The following ZNF234 variants were observed in gnomAD, a reference collection of about 807,000 sequenced individuals.
ZNF234 encodes the protein zinc finger protein 234.
In ZNF234, 4 loss-of-function variants were observed where a neutral mutation model predicts 10.3. The ratio of observed to expected loss-of-function variants is 0.39; its 90% CI spans 0.19 to 0.89. The LOEUF is 0.89. Ranked by LOEUF, ZNF234 falls within the 40% of genes least tolerant of loss-of-function variation. The pLI is 0.38. For missense variants in ZNF234, 711 were observed against 836.1 expected, an observed-to-expected ratio of 0.85 and a Z score of 1.85; for synonymous variants, 258 against 280.1, an observed-to-expected ratio of 0.92 and a Z score of 0.79.
At position 44,143,093 on chromosome 19, in the gene ZNF234, T is replaced by A. The variant is rs1288103743; in HGVS notation, c.-77+726T>A. On this transcript the variant is annotated intron_variant, in intron 2 of 5. Coordinates refer to ENST00000426739, the MANE Select transcript of ZNF234 (RefSeq NM_006630.3). ...TATTTCTCCTATGACTATTTCCTGA[T>A]TTTTTAAAAAAACTTTAACACAGTA... 5.9e-5 allele frequency among the ~76,000 whole-genome samples: 9 copies of A among 152,342 alleles called. No individual in the cohort carries two copies. In the East Asian group the frequency reaches 1.7e-3, roughly 29 times the overall value.
In ZNF234 at chr19:44,157,323, C is replaced by G. The variant is rs778814776; in HGVS notation, c.1307C>G (p.Ala436Gly). Reference sequence around the variant, plus strand: ...TATAAATGTGAAGTATGTGGTAAAGCCTTCCGTCAGAGTTCATATCTTAAA... The same window carrying G: ...TATAAATGTGAAGTATGTGGTAAAGGCTTCCGTCAGAGTTCATATCTTAAA... ...KPYKCEVCGKAFRQSSYLKIH... is the reference protein window; with the variant it reads ...KPYKCEVCGKGFRQSSYLKIH... Residue 436 changes from alanine (A) to glycine (G), a missense_variant, in exon 6 of 6, where the codon GCC (alanine) becomes GGC (glycine). Coordinates refer to ENST00000426739, the MANE Select transcript of ZNF234 (RefSeq NM_006630.3). The G allele has an allele frequency of 6.2e-7, 1 of 1,613,670 alleles. No homozygotes were observed. Among genetic ancestry groups the G allele is most frequent in the East Asian group, 2.2e-5 (1 of 44,838 alleles).
Position 44,150,409 on chromosome 19 carries a change from C to G in ZNF234, c.143-4C>G, listed in dbSNP as rs1346198487. 8 of 1,573,322 alleles carry G rather than the reference C, an allele frequency of 5.1e-6. No homozygotes were observed. In the African/African-American group the frequency reaches 1.1e-4, roughly 21 times the overall value. On this transcript the variant is annotated splice_polypyrimidine_tract_variant and splice_region_variant and intron_variant, in intron 4 of 5. Coordinates refer to ENST00000426739, the MANE Select transcript of ZNF234 (RefSeq NM_006630.3). ...TTTTAAATATGTGACTTTGCGTGTT[C>G]TAGGGCATCACCCCTTCAAACATGA...
At chr19:44,154,719 A>G (rs1968838509) in intron 5 of ZNF234, among the ~76,000 whole-genome samples, 1 of 144,996 alleles carries the variant, frequency 6.9e-6, no homozygotes, top group Non-Finnish European at 1.5e-5. Context: ...TGCAGCTTCT[A>G]ACTCCTGAGT....
Position 44,156,754 on chromosome 19 carries a change from A to G in ZNF234, c.738A>G (p.Thr246=), listed in dbSNP as rs751299767. 6.2e-7 allele frequency: 1 copy of G among 1,613,586 alleles called. No individual in the cohort carries two copies. Among genetic ancestry groups the G allele is most frequent in the South Asian group, 1.1e-5 (1 of 91,032 alleles). Residue 246 remains threonine (T), a synonymous_variant, in exon 6 of 6, where the codon ACA becomes ACG. Coordinates refer to ENST00000426739, the MANE Select transcript of ZNF234 (RefSeq NM_006630.3). ...GGAAAGGCTTCAGTCGTAGATCAACACTTACTGTACATTGCAAATTACACT... is the reference window on the plus strand; with the variant it reads ...GGAAAGGCTTCAGTCGTAGATCAACGCTTACTGTACATTGCAAATTACACT... ...ECGKGFSRRS[T]LTVHCKLHSG...
chr19:44,156,267 G>A lies in ZNF234; in HGVS notation c.251G>A (p.Ser84Asn), dbSNP rs1184394347. 1.3e-6 allele frequency: 2 copies of A among 1,552,990 alleles called. No individual in the cohort carries two copies. Among genetic ancestry groups the A allele is most frequent in the Admixed American group, 2.1e-5 (1 of 48,146 alleles). ...GTCCTTACAGCAGACAAGATCCAAAGTGAGGTGGAGACTGTTCCAGAAGCA... is the reference window on the plus strand; with the variant it reads ...GTCCTTACAGCAGACAAGATCCAAAATGAGGTGGAGACTGTTCCAGAAGCA... ...RKGKSADKIQ[S>N]EVETVPEAGR... Residue 84 changes from serine to asparagine, a missense_variant, in exon 6 of 6, where the codon AGT becomes AAT. Physicochemically the swap from Ser to Asn is conservative, Grantham distance 46. Transcript: ENST00000426739.
chr19:44,150,393 T>TGTG lies in ZNF234; in HGVS notation c.143-19_143-17dup. On this transcript the variant is annotated intron_variant, in intron 4 of 5. Coordinates refer to ENST00000426739, the MANE Select transcript of ZNF234 (RefSeq NM_006630.3). Reference sequence around the variant, plus strand: ...ACCTTTAGTGTGTTTGTTTTAAATATGTGACTTTGCGTGTTCTAGGGCATC... The same window carrying TGTG: ...ACCTTTAGTGTGTTTGTTTTAAATATGTGGTGACTTTGCGTGTTCTAGGGCATC... 1.3e-6 allele frequency: 2 copies of TGTG among 1,557,130 alleles called. No individual in the cohort carries two copies. The highest frequency in any genetic ancestry group is 1.7e-6 in the Non-Finnish European group (2 of 1,149,190).
chr19:44,152,973 A>G (rs1158090496), intron 5 of ZNF234, among the ~76,000 whole-genome samples: 2 of 152,092 alleles, frequency 1.3e-5, no homozygotes, highest in African/African-American at 2.4e-5. Flanking sequence ...ATATTAAAGA[A>G]TATAGATGTC....
chr19:44,152,739 G>A (rs939399105), intron 5 of ZNF234, among the ~76,000 whole-genome samples: 3 of 152,124 alleles, frequency 2.0e-5, no homozygotes, highest in African/African-American at 7.2e-5. Context: ...ATAGTAACTA[G>A]GTTGCAAACT....
chr19:44,150,670 A>G (rs1408365611), intron 5 of ZNF234, among the ~76,000 whole-genome samples, 165 bp downstream of exon 5: 1 of 152,102 alleles, frequency 6.6e-6, no homozygotes, highest in African/African-American at 2.4e-5. Flanking sequence ...AGTATAAAGT[A>G]TGTTCTCCTA....
intron 2 of ZNF234, 25 bp downstream of exon 2, chr19:44,142,392 TTTACA>T (rs1416805735): frequency 6.6e-6 from 1 of 152,412 alleles, no homozygotes; most frequent in African/African-American, 2.4e-5. Context: ...TCATTTTTCT[TTTACA>T]GAGACTGTAT....
chr19:44,153,157 G>T, intron 5 of ZNF234, among the ~76,000 whole-genome samples: 1 of 67,482 alleles, frequency 1.5e-5, no homozygotes, highest in African/African-American at 8.7e-5. Context: ...ATCTAATCAT[G>T]TATTCATCAT....
Position 44,156,525 on chromosome 19 carries a change from A to T in ZNF234, c.509A>T (p.His170Leu). 1 of 1,614,240 alleles carries T rather than the reference A, an allele frequency of 6.2e-7. No individual in the cohort carries two copies. Among genetic ancestry groups the T allele is most frequent in the East Asian group, 2.2e-5 (1 of 44,890 alleles). Residue 170 changes from histidine (H) to leucine (L), a missense_variant, in exon 6 of 6, where the codon CAC (histidine) becomes CTC (leucine). Coordinates refer to ENST00000426739, the MANE Select transcript of ZNF234 (RefSeq NM_006630.3). Reference sequence around the variant, plus strand: ...AACTTTGATCTTCATCAACAGTTACACTCAGGAGAGAAGTCTCATACATGT... The same window carrying T: ...AACTTTGATCTTCATCAACAGTTACTCTCAGGAGAGAAGTCTCATACATGT... The part of the protein sequence containing the change: ...VFNFDLHQQL[H>L]SGEKSHTCDE...
At chr19:44,152,420 C>G (rs1488073653) in intron 5 of ZNF234, among the ~76,000 whole-genome samples, 1 of 152,144 alleles carries the variant, frequency 6.6e-6, no homozygotes, top group Non-Finnish European at 1.5e-5. Flanking sequence ...CATACACAAA[C>G]CAAAATGAAT....
chr19:44,148,296 GA>G (rs1221495630), intron 3 of ZNF234, among the ~76,000 whole-genome samples: 2 of 152,196 alleles, frequency 1.3e-5, no homozygotes, highest in Non-Finnish European at 2.9e-5. Context: ...TGGGTGTACA[GA>G]AGGAAAACTA....
intron 2 of ZNF234, 53 bp from the exon 3 acceptor site, chr19:44,144,504 T>A (rs1186722534): frequency 1.5e-6 from 1 of 687,870 alleles, no homozygotes; most frequent in African/African-American, 1.8e-5. Flanking sequence ...ACATCTGTGT[T>A]GGTGGGGACA....
At position 44,157,806 on chromosome 19, in the gene ZNF234, C is replaced by T. The variant is rs182965358; in HGVS notation, c.1790C>T (p.Thr597Ile). 1.0e-3 allele frequency: 1,690 copies of T among 1,611,892 alleles called. 2 individuals are homozygous for T. Among genetic ancestry groups the T allele is most frequent in the Admixed American group, 2.2e-3 (132 of 59,820 alleles). Residue 597 changes from threonine to isoleucine, a missense_variant, in exon 6 of 6, where the codon ACA becomes ATA. Transcript: ENST00000426739. ...GTGCACACAGGAGAAAAACCCTATA[C>T]ATGTGGGGAGTGTGGGAAGCACTTC... is the stretch of plus-strand genomic sequence containing the variant. ...QRVHTGEKPYTCGECGKHFSQ... is the reference protein window; with the variant it reads ...QRVHTGEKPYICGECGKHFSQ...
chr19:44,146,882 C>T (rs957060847), intron 3 of ZNF234, among the ~76,000 whole-genome samples: 2 of 137,810 alleles, frequency 1.5e-5, no homozygotes, highest in African/African-American at 5.3e-5. Context: ...GTGGTACGAT[C>T]ACGGCTCACT....
intron 3 of ZNF234, among the ~76,000 whole-genome samples, chr19:44,145,272 A>G (rs913980965): frequency 6.6e-6 from 1 of 152,216 alleles, no homozygotes; most frequent in Admixed American, 6.5e-5. Context: ...TAAGTACTAA[A>G]TAATGTTCAT....
At position 44,148,353 on chromosome 19, in the gene ZNF234, A is replaced by C. The variant is rs752467312; in HGVS notation, c.16-418A>C. Among the ~76,000 whole-genome samples, 93 of 152,334 alleles carry C rather than the reference A, an allele frequency of 6.1e-4. 1 individual carries two copies. The highest frequency in any genetic ancestry group is 6.8e-3 in the Middle Eastern group (2 of 294). Reference sequence around the variant, plus strand: ...TACCAAAAGCTTGTTAGTTTGGCAGACTTTAATGAAAAGGGATAGCATCCA... The same window carrying C: ...TACCAAAAGCTTGTTAGTTTGGCAGCCTTTAATGAAAAGGGATAGCATCCA... On this transcript the variant is annotated intron_variant, in intron 3 of 5. Transcript: ENST00000426739.
Sources: allele counts gnomAD v4.1 joint callset (sites outside exome capture counted in the v4.1 genomes callset), GRCh38; gene constraint gnomAD v4.1.1; transcripts MANE v1.5; gene names NCBI Gene and HGNC (gene_info 2026-07-23, HGNC 2026-07-21).